Variants in PDGFA observed in about 807,000 individuals in gnomAD.
The protein encoded by PDGFA is platelet derived growth factor subunit A.
A neutral mutation model predicts 25.6 loss-of-function variants in PDGFA; 9 were observed. The observed-to-expected ratio is 0.35, with a 90% CI of 0.21 to 0.61. The LOEUF (loss-of-function observed/expected upper bound fraction) is 0.61, where lower values mean the gene tolerates loss of function less well. Among genes scored for constraint, PDGFA ranks in the 20% least tolerant of loss-of-function variants. PDGFA has a pLI of 0.75. For synonymous variants in PDGFA, 133 were observed against 111.8 expected, an observed-to-expected ratio of 1.19 and a Z score of -1.20; for missense variants, 242 against 272.8, an observed-to-expected ratio of 0.89 and a Z score of 0.79.
intron 4 of PDGFA, among the ~76,000 whole-genome samples, chr7:503,417 C>T (rs1337443382): frequency 6.6e-6 from 1 of 152,308 alleles, no homozygotes; most frequent in East Asian, 1.9e-4. Context: ...ACCCCCTGAG[C>T]ACAGGGGCGT....
chr7:517,418 G>A lies in PDGFA; in HGVS notation c.136C>T (p.Arg46Ter). 1 of 1,388,104 alleles carries A rather than the reference G, an allele frequency of 7.2e-7. No individual in the cohort carries two copies. The highest frequency in any genetic ancestry group is 9.5e-7 in the Non-Finnish European group (1 of 1,055,820). 86.0% of individuals were successfully genotyped at this position (1,388,104 alleles called of 1,614,324 possible). A position where few individuals can be genotyped will look rare whatever the true frequency, so the allele number is the denominator to read the frequency against. ...CCTACGGAGTCTATCTCCAGGAGTC[G>A]CTGGAGGTCCCGGATGCTGTGGATC... Residue 46 changes from arginine to a stop codon, truncating the protein, a stop_gained, in exon 2 of 6, where the codon CGA becomes TGA. Transcript: ENST00000402802. LOFTEE classifies it high-confidence loss of function. This position sits in a 1 kb window ranked among gnomAD's most constrained non-coding sequence, Gnocchi z 7.4.
intron 2 of PDGFA, among the ~76,000 whole-genome samples, chr7:514,015 C>G (rs532881546): frequency 1.3e-5 from 2 of 152,242 alleles, no homozygotes; most frequent in Non-Finnish European, 2.9e-5. Context: ...TGAATCACAT[C>G]CTGGTGGTGG....
chr7:502,768 T>TCACACA (rs71016866), intron 4 of PDGFA, among the ~76,000 whole-genome samples: 11,855 of 125,870 alleles, frequency 0.094, 682 homozygotes, highest in Non-Finnish European at 0.13. Context: ...AGGCAAGAAA[T>TCACACA]CACACACACA....
rs149638807 is a variant in PDGFA, at chr7:500,547, G to T, written c.580+569C>A. 2 of 1,613,076 alleles carry T rather than the reference G, an allele frequency of 1.2e-6. No individual in the cohort carries two copies. The highest frequency in any genetic ancestry group is 1.7e-6 in the Non-Finnish European group (2 of 1,179,888). ...GTGAGTGGGCCGAGGGACGGCCGTC[G>T]GGGTGAAGAACTGAAGCAACAAATA... is the stretch of plus-strand genomic sequence containing the variant. On this transcript the variant is annotated intron_variant, in intron 5 of 5. Coordinates refer to ENST00000402802, the Ensembl canonical transcript of PDGFA. The surrounding 1 kb of genome is among the most constrained non-coding windows in gnomAD (Gnocchi z 5.0).
chr7:498,563 C>G lies in PDGFA; in HGVS notation c.*1G>C. 2.5e-6 allele frequency: 4 copies of G among 1,609,504 alleles called. No individual in the cohort carries two copies. The South Asian group carries it at 4.5e-5, about 18-fold the overall frequency. ...TCCCAGGAAAGGGCTGCGGCTCATC[C>G]TCACCTCACATCTGCAGGGAGAAGG... On this transcript the variant is annotated 3_prime_UTR_variant, in exon 6 of 6. Coordinates refer to ENST00000402802, the Ensembl canonical transcript of PDGFA.
intron 2 of PDGFA, among the ~76,000 whole-genome samples, chr7:516,527 C>T (rs1029747436): frequency 2.6e-5 from 4 of 152,286 alleles, no homozygotes; most frequent in African/African-American, 9.6e-5. Context: ...GTTAAGGCTC[C>T]GACTGGAGTT....
intron 5 of PDGFA, among the ~76,000 whole-genome samples, chr7:499,592 G>A (rs748543355): frequency 2.6e-5 from 4 of 152,168 alleles, no homozygotes; most frequent in Admixed American, 6.5e-5. Context: ...CTCCATCTGG[G>A]AAGCGACATG....
rs138313463 is a variant in PDGFA at position 512,841 on chromosome 7, G to A, written c.161-386C>T. 5.4e-3 allele frequency: 1,924 copies of A among 354,230 alleles called. 32 individuals carry two copies. The highest frequency in any genetic ancestry group is 0.037 in the African/African-American group (1,733 of 47,066). 21.9% of individuals were successfully genotyped at this position (354,230 alleles called of 1,614,324 possible). A position where few individuals can be genotyped will look rare whatever the true frequency, so the allele number is the denominator to read the frequency against. On this transcript the variant is annotated intron_variant, in intron 2 of 5. Coordinates refer to ENST00000402802, the Ensembl canonical transcript of PDGFA. ...GAGGGGCCTGAGGCCGCCCAGCTCC[G>A]TGCACCTCCCCGAGGGGCACAGGGC...
intron 4 of PDGFA, among the ~76,000 whole-genome samples, chr7:510,049 C>T (rs1451800275): frequency 6.6e-6 from 1 of 152,166 alleles, no homozygotes; most frequent in Non-Finnish European, 1.5e-5. Flanking sequence ...ACCCCCTACT[C>T]CTCCTGCCAT....
chr7:516,650 TCGCCCCTCC>T lies in PDGFA; in HGVS notation c.160+735_160+743del, dbSNP rs1386267817. On this transcript the variant is annotated intron_variant, in intron 2 of 5. Transcript: ENST00000402802. ...GCGGGCGGGCGGCCACCCTACACCC[TCGCCCCTCC>T]CACCCACCCGTGGTCCACCGGGGTC... 2.0e-5 allele frequency among the ~76,000 whole-genome samples: 3 copies of T among 152,080 alleles called. No homozygotes were observed. In the East Asian group the frequency reaches 5.8e-4, roughly 29 times the overall value.
chr7:500,157 C>G lies in PDGFA; in HGVS notation c.580+959G>C, dbSNP rs1224061989. Among the ~76,000 whole-genome samples, 1 of 152,212 alleles carries G rather than the reference C, an allele frequency of 6.6e-6. No homozygotes were observed. Among genetic ancestry groups the G allele is most frequent in the African/African-American group, 2.4e-5 (1 of 41,454 alleles). ...CTCAGGTCGCCCAACCTGTTCCATT[C>G]ATGTGCAATGCTCCTGCATCCCCAA... On this transcript the variant is annotated intron_variant, in intron 5 of 5. Transcript: ENST00000402802. This position sits in a 1 kb window ranked among gnomAD's most constrained non-coding sequence, Gnocchi z 5.0.
chr7:498,501 G>C, exon 6 of PDGFA: 1 of 1,529,638 alleles, frequency 6.5e-7, no homozygotes, highest in Non-Finnish European at 9.0e-7. Context: ...ACCGTACATA[G>C]TAGGTTCAGG....
chr7:511,855 G>A (rs1179813685), intron 3 of PDGFA, among the ~76,000 whole-genome samples: 1 of 152,192 alleles, frequency 6.6e-6, no homozygotes, highest in African/African-American at 2.4e-5. Context: ...TGGAGCCCTG[G>A]AGCCAGGTGT....
At chr7:510,915 T>C (rs769890929) in exon 4 of PDGFA, 51 of 1,612,330 alleles carry the variant, frequency 3.2e-5, no homozygotes, top group Middle Eastern at 1.6e-4. Context: ...GATCAGGAAG[T>C]TGGCGGACGT....
At chr7:511,708 G>C (rs887105326) in intron 3 of PDGFA, among the ~76,000 whole-genome samples, 12 of 152,182 alleles carry the variant, frequency 7.9e-5, no homozygotes, top group Admixed American at 6.5e-4. Flanking sequence ...TGGGACCCCC[G>C]AGGACGCGGG....
chr7:520,676 A>G (rs969903469), upstream of PDGFA: 5 of 152,294 alleles, frequency 3.3e-5, no homozygotes, highest in African/African-American at 1.2e-4. Context: ...CGTGGGGCGC[A>G]CAGAGCGCCA....
intron 1 of PDGFA, chr7:518,652 C>T (rs1783217538): frequency 2.7e-6 from 1 of 369,196 alleles, no homozygotes; most frequent in Non-Finnish European, 4.8e-6. Flanking sequence ...CCGCTGCGCC[C>T]CAGCTCCCCT....
Position 517,420 on chromosome 7 carries a change from TG to T in PDGFA, c.133del (p.Gln45SerfsTer6). ...TACGGAGTCTATCTCCAGGAGTCGCTGGAGGTCCCGGATGCTGTGGATCTGA... is the reference window on the plus strand; with the variant it reads ...TACGGAGTCTATCTCCAGGAGTCGCTGAGGTCCCGGATGCTGTGGATCTGA... On this transcript the variant is annotated frameshift_variant, in exon 2 of 6. Transcript: ENST00000402802. LOFTEE classifies it high-confidence loss of function. This position sits in a 1 kb window ranked among gnomAD's most constrained non-coding sequence, Gnocchi z 7.4. The T allele has an allele frequency of 1.4e-6, 2 of 1,390,836 alleles. No homozygotes were observed. Among genetic ancestry groups the T allele is most frequent in the Admixed American group, 2.7e-5 (1 of 37,402 alleles). The allele number at this position is 1,390,836 out of a possible 1,614,324, so 86.2% of individuals were successfully genotyped here.
At chr7:516,185 G>A (rs138023296) in intron 2 of PDGFA, among the ~76,000 whole-genome samples, 2,262 of 146,682 alleles carry the variant, frequency 0.015, 35 homozygotes, top group Non-Finnish European at 0.022. Flanking sequence ...GCTGTGCTGT[G>A]GGAGTGAAAC....
Sources: allele counts gnomAD v4.1 joint callset (sites outside exome capture counted in the v4.1 genomes callset), GRCh38; gene constraint gnomAD v4.1.1; non-coding constraint Gnocchi (gnomAD v3.1); transcripts MANE v1.5; gene names NCBI Gene and HGNC (gene_info 2026-07-23, HGNC 2026-07-21).